The following SLCO5A1 variants were observed in gnomAD, a reference collection of about 807,000 sequenced individuals.
The protein encoded by SLCO5A1 is organic anion transporter polypeptide-related protein 4.
Under a neutral mutation model 65.1 loss-of-function variants are expected in SLCO5A1, and 39 were observed. That is an observed-to-expected ratio of 0.60 (90% CI 0.46 to 0.78). SLCO5A1 has a LOEUF of 0.78. Ranked by LOEUF, SLCO5A1 falls within the 30% of genes least tolerant of loss-of-function variation. The pLI, the probability that SLCO5A1 is intolerant of heterozygous loss-of-function variation, is 0.00. For missense variants in SLCO5A1, 1,029 were observed against 1,069.4 expected, an observed-to-expected ratio of 0.96 and a Z score of 0.53; for synonymous variants, 438 against 415.7, an observed-to-expected ratio of 1.05 and a Z score of -0.65.
intron 2 of SLCO5A1, among the ~76,000 whole-genome samples, chr8:69,784,906 GA>G (rs372379444): frequency 1.4e-4 from 9 of 65,358 alleles, no homozygotes; most frequent in Admixed American, 3.1e-4. Flanking sequence ...AAGAAAGAAA[GA>G]AAGAAAGAAA....
intron 5 of SLCO5A1, among the ~76,000 whole-genome samples, chr8:69,729,558 T>G (rs961396938): frequency 6.6e-6 from 1 of 151,632 alleles, no homozygotes; most frequent in Non-Finnish European, 1.5e-5. Context: ...TATATAAATT[T>G]GCTAGAATAT....
intron 2 of SLCO5A1, among the ~76,000 whole-genome samples, chr8:69,811,943 AAAC>A (rs978087253): frequency 3.3e-5 from 5 of 152,180 alleles, no homozygotes; most frequent in African/African-American, 1.2e-4. Context: ...CTCTCTTAAC[AAAC>A]AACTACTTCG....
chr8:69,681,012 A>G, intron 7 of SLCO5A1, among the ~76,000 whole-genome samples: 1 of 152,236 alleles, frequency 6.6e-6, no homozygotes, highest in East Asian at 1.9e-4. Context: ...TAAAGGATGA[A>G]CACTCACTCT....
chr8:69,776,024 A>G (rs1470933267), intron 2 of SLCO5A1, among the ~76,000 whole-genome samples: 1 of 152,190 alleles, frequency 6.6e-6, no homozygotes, highest in East Asian at 1.9e-4. Context: ...AAAGAAAAAG[A>G]AAAAGAAAAA....
chr8:69,824,818 C>T (rs1820799299), intron 2 of SLCO5A1, among the ~76,000 whole-genome samples: 1 of 152,064 alleles, frequency 6.6e-6, no homozygotes, highest in African/African-American at 2.4e-5. Flanking sequence ...GGCAGAGACA[C>T]AACCAAAAAA....
At chr8:69,823,836 C>T (rs1180683164) in intron 2 of SLCO5A1, among the ~76,000 whole-genome samples, 1 of 152,134 alleles carries the variant, frequency 6.6e-6, no homozygotes, top group Non-Finnish European at 1.5e-5. Flanking sequence ...TTTTTCAGCA[C>T]CACACCACAC....
intron 6 of SLCO5A1, among the ~76,000 whole-genome samples, chr8:69,701,064 G>C (rs1230717130): frequency 6.6e-6 from 1 of 152,094 alleles, no homozygotes; most frequent in African/African-American, 2.4e-5. Flanking sequence ...ATGAGAGTAG[G>C]GGGACTGTGG....
Position 69,738,123 on chromosome 8 carries a change from A to C in SLCO5A1, c.1340T>G (p.Ile447Ser). 9 of 1,614,008 alleles carry C rather than the reference A, an allele frequency of 5.6e-6. No homozygotes were observed. The highest frequency in any genetic ancestry group is 7.6e-6 in the Non-Finnish European group (9 of 1,179,906). Residue 447 changes from isoleucine (I) to serine (S), a missense_variant, in exon 5 of 10, where the codon ATT (isoleucine) becomes AGT (serine). This residue lies in a region of SLCO5A1 where 647 missense variants were observed against 647.5 expected (regional missense o/e 1.00). Transcript: ENST00000260126. ...AATGAAGGTAATGAAAGCAGTTACA[A>C]TGGCACTCTCAGCTGTGTATGACAA... ...VSLSYTAESA[I>S]VTAFITFIPK...
intron 5 of SLCO5A1, among the ~76,000 whole-genome samples, chr8:69,731,937 A>G (rs1563689049): frequency 6.6e-6 from 1 of 152,260 alleles, no homozygotes; most frequent in Non-Finnish European, 1.5e-5. Context: ...ATTTGTATTT[A>G]AATGCTTAAT....
At chr8:69,722,809 A>G (rs1815885884) in intron 5 of SLCO5A1, among the ~76,000 whole-genome samples, 1 of 108,880 alleles carries the variant, frequency 9.2e-6, no homozygotes, top group African/African-American at 3.6e-5. Context: ...GTGTGTGTGA[A>G]TATTTGTGTG....
intron 2 of SLCO5A1, among the ~76,000 whole-genome samples, chr8:69,816,340 C>A (rs1385578288): frequency 1.3e-5 from 2 of 152,130 alleles, no homozygotes; most frequent in Admixed American, 6.6e-5. Context: ...TGATTGAAAA[C>A]CACTGTTTTA....
At chr8:69,798,449 G>A (rs946080108) in intron 2 of SLCO5A1, among the ~76,000 whole-genome samples, 1 of 152,168 alleles carries the variant, frequency 6.6e-6, no homozygotes, top group Admixed American at 6.6e-5. Flanking sequence ...CAATTACAGT[G>A]AAAGGCAAAG....
chr8:69,825,379 C>G (rs1043202044), intron 2 of SLCO5A1, among the ~76,000 whole-genome samples: 1 of 152,038 alleles, frequency 6.6e-6, no homozygotes, highest in Non-Finnish European at 1.5e-5. Flanking sequence ...TTTAGAAAAC[C>G]CCATCATCTC....
chr8:69,815,756 T>A (rs1326661407), intron 2 of SLCO5A1, among the ~76,000 whole-genome samples: 7 of 151,364 alleles, frequency 4.6e-5, no homozygotes, highest in Non-Finnish European at 8.8e-5. Flanking sequence ...TCCAGGAAAT[T>A]CCCATGGTTA....
intron 5 of SLCO5A1, among the ~76,000 whole-genome samples, chr8:69,734,487 T>A (rs575402218): frequency 6.6e-6 from 1 of 152,352 alleles, no homozygotes; most frequent in African/African-American, 2.4e-5. Flanking sequence ...TTTAGACAGC[T>A]TTTTCTAATG....
At chr8:69,820,442 A>C (rs1302555634) in intron 2 of SLCO5A1, among the ~76,000 whole-genome samples, 1 of 152,234 alleles carries the variant, frequency 6.6e-6, no homozygotes, top group Non-Finnish European at 1.5e-5. Flanking sequence ...TGAAAGATAC[A>C]TATATGTATC....
chr8:69,778,117 G>C (rs1018657075), intron 2 of SLCO5A1, among the ~76,000 whole-genome samples: 11 of 152,070 alleles, frequency 7.2e-5, no homozygotes, highest in Admixed American at 7.2e-4. Flanking sequence ...CGTATGAAAA[G>C]ACAGTATATA....
intron 4 of SLCO5A1, among the ~76,000 whole-genome samples, chr8:69,753,345 C>T (rs1303569483): frequency 6.6e-6 from 1 of 152,138 alleles, no homozygotes; most frequent in Non-Finnish European, 1.5e-5. Flanking sequence ...GGGTTCATTC[C>T]TTGGTACCTG....
At chr8:69,816,563 T>C (rs1586830730) in intron 2 of SLCO5A1, among the ~76,000 whole-genome samples, 2 of 152,132 alleles carry the variant, frequency 1.3e-5, no homozygotes, top group Admixed American at 1.3e-4. Context: ...GCAGAACACA[T>C]TGACATGAAC....
Sources: allele counts gnomAD v4.1 joint callset (sites outside exome capture counted in the v4.1 genomes callset), GRCh38; gene constraint gnomAD v4.1.1; regional missense constraint gnomAD v4.1.1; transcripts MANE v1.5; gene names NCBI Gene and HGNC (gene_info 2026-07-23, HGNC 2026-07-21).